The following GALM variants were observed in gnomAD, a reference collection of about 807,000 sequenced individuals.
GALM encodes the protein galactose mutarotase.
Under a neutral mutation model 37.4 loss-of-function variants are expected in GALM, and 43 were observed. The ratio of observed to expected loss-of-function variants is 1.15; its 90% confidence interval spans 0.90 to 1.48. The LOEUF (loss-of-function observed/expected upper bound fraction) is 1.48, where lower values mean the gene tolerates loss of function less well. Among genes scored for constraint, GALM ranks in the 40% most tolerant of loss-of-function variants. The probability of loss-of-function intolerance (pLI) is 0.00; values close to 1 mark genes in which losing one functional copy is unlikely to be tolerated. For synonymous variants in GALM, 199 were observed against 170.6 expected (o/e 1.17, Z -1.30); for missense variants, 456 against 419.1 (o/e 1.09, Z -0.77).
At chr2:38,684,981 G>A (rs1203613911) in intron 3 of GALM, among the ~76,000 whole-genome samples, 1 of 152,074 alleles carries the variant, frequency 6.6e-6, no homozygotes, top group Non-Finnish European at 1.5e-5. Flanking sequence ...TCAGTATTTT[G>A]GCTTTTGTCT....
At chr2:38,732,620 A>G (rs946044990) in intron 6 of GALM, among the ~76,000 whole-genome samples, 2 of 152,252 alleles carry the variant, frequency 1.3e-5, no homozygotes, top group Non-Finnish European at 2.9e-5. Flanking sequence ...CCAGCCCACA[A>G]TAAGAAGCTT....
intron 3 of GALM, among the ~76,000 whole-genome samples, chr2:38,685,793 C>T (rs534128343): frequency 1.3e-5 from 2 of 152,214 alleles, no homozygotes; most frequent in South Asian, 2.1e-4. Context: ...TCTCGGCTCA[C>T]GGCAATCTCC....
At chr2:38,705,952 A>G (rs1184623145) in intron 4 of GALM, among the ~76,000 whole-genome samples, 1 of 151,692 alleles carries the variant, frequency 6.6e-6, no homozygotes, top group Non-Finnish European at 1.5e-5. Flanking sequence ...GGTTCAAGCT[A>G]TTCTCCCACC....
chr2:38,674,333 G>C (rs927737349), intron 1 of GALM, among the ~76,000 whole-genome samples: 17 of 152,022 alleles, frequency 1.1e-4, no homozygotes, highest in African/African-American at 3.9e-4. Flanking sequence ...GGGACTACAG[G>C]CACAGGCCAC....
intron 4 of GALM, among the ~76,000 whole-genome samples, chr2:38,727,295 C>T (rs1040130638): frequency 5.2e-4 from 79 of 152,080 alleles, no homozygotes; most frequent in African/African-American, 1.8e-3. Flanking sequence ...GACACCCACA[C>T]ACCAGGATGG....
chr2:38,711,716 C>G (rs1334970282), intron 4 of GALM, among the ~76,000 whole-genome samples: 10 of 137,912 alleles, frequency 7.3e-5, no homozygotes, highest in African/African-American at 2.7e-4. Context: ...TCATCCATCA[C>G]CATCACTATC....
At chr2:38,673,422 G>A (rs1417910321) in intron 1 of GALM, among the ~76,000 whole-genome samples, 1 of 152,080 alleles carries the variant, frequency 6.6e-6, no homozygotes, top group Non-Finnish European at 1.5e-5. Context: ...AAGCACAGAG[G>A]AATTTAAAGA....
intron 3 of GALM, among the ~76,000 whole-genome samples, chr2:38,682,563 G>A (rs940053313): frequency 6.6e-6 from 1 of 152,052 alleles, no homozygotes; most frequent in Admixed American, 6.6e-5. Flanking sequence ...TTCACTTGCG[G>A]GTTCCTTATC....
chr2:38,712,982 T>G (rs1324297016), intron 4 of GALM, among the ~76,000 whole-genome samples: 1 of 152,166 alleles, frequency 6.6e-6, no homozygotes, highest in Non-Finnish European at 1.5e-5. Flanking sequence ...CCTGGGTGAT[T>G]AATGTAACCT....
At chr2:38,707,829 C>T (rs1214299751) in intron 4 of GALM, among the ~76,000 whole-genome samples, 1 of 152,010 alleles carries the variant, frequency 6.6e-6, no homozygotes, top group Non-Finnish European at 1.5e-5. Flanking sequence ...AATTAGCAGC[C>T]GGGTGTGCTG....
At chr2:38,670,260 C>A (rs1464086240) in intron 1 of GALM, among the ~76,000 whole-genome samples, 2 of 152,196 alleles carry the variant, frequency 1.3e-5, no homozygotes, top group Non-Finnish European at 2.9e-5. Flanking sequence ...CAGGTATAAA[C>A]AACCTACCCA....
intron 4 of GALM, among the ~76,000 whole-genome samples, chr2:38,691,609 A>G (rs1665672927): frequency 6.6e-6 from 1 of 152,068 alleles, no homozygotes; most frequent in Non-Finnish European, 1.5e-5. Flanking sequence ...TCTCGAGCCC[A>G]GGAGTTGGAG....
At chr2:38,692,668 T>A (rs1169418009) in intron 4 of GALM, among the ~76,000 whole-genome samples, 1 of 152,242 alleles carries the variant, frequency 6.6e-6, no homozygotes, top group South Asian at 2.1e-4. Context: ...GAGTTGGCAG[T>A]CTATGGGAAG....
intron 1 of GALM, chr2:38,669,294 A>C (rs1195045111): frequency 6.6e-6 from 1 of 152,268 alleles, no homozygotes; most frequent in South Asian, 2.1e-4. Flanking sequence ...TTTTATAGAA[A>C]AGCAGTGTGA....
intron 4 of GALM, among the ~76,000 whole-genome samples, chr2:38,726,235 T>A (rs867856616): frequency 2.1e-4 from 26 of 126,262 alleles, no homozygotes; most frequent in African/African-American, 8.0e-4. Context: ...TTTTTATTTT[T>A]TTTTTTTTTG....
At chr2:38,720,880 G>A (rs6717670) in intron 4 of GALM, among the ~76,000 whole-genome samples, 29,908 of 152,136 alleles carry the variant, frequency 0.2, 3,449 homozygotes, top group Admixed American at 0.25. Flanking sequence ...GAGAGGGCGA[G>A]GCTGGAGCCT....
chr2:38,714,946 A>T (rs1666240429), intron 4 of GALM, among the ~76,000 whole-genome samples: 1 of 152,156 alleles, frequency 6.6e-6, no homozygotes, highest in African/African-American at 2.4e-5. Flanking sequence ...TCCAATGCTG[A>T]GAAAGGGGTT....
intron 3 of GALM, among the ~76,000 whole-genome samples, chr2:38,685,335 G>A (rs1231713663): frequency 1.3e-5 from 2 of 152,182 alleles, no homozygotes; most frequent in African/African-American, 2.4e-5. Context: ...TCTGCCTGGG[G>A]GCACAGAGTT....
intron 4 of GALM, among the ~76,000 whole-genome samples, chr2:38,704,448 T>C (rs1055245652): frequency 1.3e-5 from 2 of 151,956 alleles, no homozygotes; most frequent in Non-Finnish European, 2.9e-5. Context: ...GGCGGGAGGA[T>C]TGATTGGGTC....
Sources: allele counts gnomAD v4.1 joint callset (sites outside exome capture counted in the v4.1 genomes callset), GRCh38; gene constraint gnomAD v4.1.1; transcripts MANE v1.5; gene names NCBI Gene and HGNC (gene_info 2026-07-23, HGNC 2026-07-21).